Variants in RNF217 observed in about 807,000 individuals in gnomAD.
RNF217 encodes ring finger protein 217.
RNF217 carries 31 observed loss-of-function variants against 57.8 expected under a neutral mutation model. The ratio of observed to expected loss-of-function variants is 0.54; its 90% CI spans 0.40 to 0.72. RNF217 has a LOEUF of 0.72. RNF217 is among the 30% of genes least tolerant of loss of function. RNF217 has a pLI of 0.00. For synonymous variants in RNF217, 313 were observed against 294.0 expected, an observed-to-expected ratio of 1.06 and a Z score of -0.66; for missense variants, 696 against 708.3, an observed-to-expected ratio of 0.98 and a Z score of 0.20.
At chr6:125,035,262 C>A (rs568397969) in intron 1 of RNF217, among the ~76,000 whole-genome samples, 1 of 151,976 alleles carries the variant, frequency 6.6e-6, no homozygotes, top group Non-Finnish European at 1.5e-5. Context: ...GAGAGGGCAT[C>A]CCTGTCTTGT....
chr6:125,009,333 T>C, intron 1 of RNF217: 2 of 1,259,910 alleles, frequency 1.6e-6, no homozygotes, highest in African/African-American at 1.5e-5. Flanking sequence ...CAGGAGCCCT[T>C]GTAATCTCTT....
intron 1 of RNF217, among the ~76,000 whole-genome samples, chr6:124,977,794 G>A (rs997836379): frequency 6.6e-6 from 1 of 152,144 alleles, no homozygotes; most frequent in Non-Finnish European, 1.5e-5. Flanking sequence ...AGGAATTACT[G>A]TTAATCTCAT....
At chr6:124,989,400 G>A (rs913474991) in intron 1 of RNF217, among the ~76,000 whole-genome samples, 1 of 152,132 alleles carries the variant, frequency 6.6e-6, no homozygotes, top group African/African-American at 2.4e-5. Context: ...CAATAGTAAT[G>A]AGAAAAGTAA....
At chr6:125,006,370 T>A (rs1463573032) in intron 1 of RNF217, among the ~76,000 whole-genome samples, 1 of 152,190 alleles carries the variant, frequency 6.6e-6, no homozygotes, top group African/African-American at 2.4e-5. Flanking sequence ...TATAGAAAAG[T>A]TAAAATTGTT....
chr6:125,009,775 G>T (rs9321013), intron 1 of RNF217, among the ~76,000 whole-genome samples: 1 of 151,860 alleles, frequency 6.6e-6, no homozygotes, highest in Non-Finnish European at 1.5e-5. Flanking sequence ...GTGCACATTC[G>T]TTGGGAGAAC....
chr6:125,039,575 A>G (rs914221081), intron 1 of RNF217, among the ~76,000 whole-genome samples: 2 of 152,176 alleles, frequency 1.3e-5, no homozygotes, highest in Non-Finnish European at 2.9e-5. Flanking sequence ...GAGGACTTGA[A>G]CTCAGCTCTG....
At chr6:124,983,060 A>G (rs571574632) in intron 1 of RNF217, among the ~76,000 whole-genome samples, 11 of 152,332 alleles carry the variant, frequency 7.2e-5, no homozygotes, top group Admixed American at 2.0e-4. Context: ...AAAGCTTTCT[A>G]TATATTTCTT....
At position 125,058,019 on chromosome 6, in the gene RNF217, G is replaced by A. The variant is rs1168194264; in HGVS notation, c.1194G>A (p.Glu398=). The A allele has an allele frequency of 6.2e-7, 1 of 1,613,524 alleles. No homozygotes were observed. The highest frequency in any genetic ancestry group is 8.5e-7 in the Non-Finnish European group (1 of 1,179,702). ...GGCATGAAGGTGTTAACTGCAAGGAGTACAAAAAAGGAGACAAATTGTTGC... is the reference window on the plus strand; with the variant it reads ...GGCATGAAGGTGTTAACTGCAAGGAATACAAAAAAGGAGACAAATTGTTGC... ...SPWHEGVNCK[E]YKKGDKLLRH... The change falls in exon 3 of 6, where the codon GAG becomes GAA. Residue 398 remains glutamate, a synonymous_variant. Coordinates refer to ENST00000521654, the MANE Select transcript of RNF217 (RefSeq NM_001286398.3).
At chr6:125,051,476 T>C (rs1787314046) in intron 2 of RNF217, among the ~76,000 whole-genome samples, 1 of 152,040 alleles carries the variant, frequency 6.6e-6, no homozygotes, top group Non-Finnish European at 1.5e-5. Context: ...CATATTTACT[T>C]ACTTAGATTT....
intron 4 of RNF217, among the ~76,000 whole-genome samples, chr6:125,080,016 G>A (rs1788516961): frequency 6.6e-6 from 1 of 151,958 alleles, no homozygotes; most frequent in African/African-American, 2.4e-5. Flanking sequence ...TGATATTTGA[G>A]AGGAAAAAGA....
chr6:125,047,422 A>G (rs1391925176), intron 2 of RNF217, among the ~76,000 whole-genome samples: 2 of 152,202 alleles, frequency 1.3e-5, no homozygotes, highest in East Asian at 1.9e-4. Flanking sequence ...AGAGTGAAAT[A>G]TGTAAAAATT....
At position 125,031,460 on chromosome 6, in the gene RNF217, C is replaced by T. The variant is rs533646329; in HGVS notation, c.883-13751C>T. The stretch of plus-strand genomic sequence containing the variant: ...ATGCTTTTAACAACACCCAAGTCAA[C>T]TCTTAAATGCTTTGCTGCTTAGAAA... On this transcript the variant is annotated intron_variant, in intron 1 of 5. Coordinates refer to ENST00000521654, the MANE Select transcript of RNF217 (RefSeq NM_001286398.3). Among the ~76,000 whole-genome samples the T allele has an allele frequency of 2.0e-5, 3 of 152,330 alleles. No individual in the cohort carries two copies. The South Asian group carries it at 6.2e-4, about 32-fold the overall frequency.
rs541455532 is a variant in RNF217 at position 125,076,578 on chromosome 6, T to C, written c.1282-79T>C. The C allele has an allele frequency of 1.3e-5, 11 of 866,738 alleles. No individual in the cohort carries two copies. The African/African-American group carries it at 1.3e-4, about 10-fold the overall frequency. The allele number at this position is 866,738 out of a possible 1,614,324, so 53.7% of individuals were successfully genotyped here. ...TTATTTTGGTGAAACTGGTAAGTGT[T>C]GTTTCATAAAATTTGCGATTTTGCT... On this transcript the variant is annotated intron_variant, in intron 3 of 5. Coordinates refer to ENST00000521654, the MANE Select transcript of RNF217 (RefSeq NM_001286398.3).
chr6:125,082,331 T>C, intron 5 of RNF217: 1 of 1,020,624 alleles, frequency 9.8e-7, no homozygotes, highest in Non-Finnish European at 1.3e-6. Flanking sequence ...TATGTCAACT[T>C]GGGTTTAGCA....
At chr6:124,993,606 A>C (rs1214302527) in intron 1 of RNF217, among the ~76,000 whole-genome samples, 2 of 152,126 alleles carry the variant, frequency 1.3e-5, no homozygotes, top group African/African-American at 4.8e-5. Context: ...ATTGTAGCCT[A>C]TTCGGGTAGA....
chr6:125,082,937 A>C lies in RNF217; in HGVS notation c.1629A>C (p.Ter543TyrextTer13). Reference sequence around the variant, plus strand: ...GATCACGGACAGGTATGCACTGGTAACATGCAGATGATTTCATCCAGCTAA... The same window carrying C: ...GATCACGGACAGGTATGCACTGGTACCATGCAGATGATTTCATCCAGCTAA... ...RKRSRTGMHW[*>Y] Residue 543 changes from the stop codon to tyrosine, a stop_lost, in exon 6 of 6, where the codon TAA becomes TAC. Coordinates refer to ENST00000521654, the MANE Select transcript of RNF217 (RefSeq NM_001286398.3). 1 of 1,593,256 alleles carries C rather than the reference A, an allele frequency of 6.3e-7. No homozygotes were observed. The highest frequency in any genetic ancestry group is 8.5e-7 in the Non-Finnish European group (1 of 1,173,146).
At chr6:125,062,816 T>TC (rs1787788496) in intron 3 of RNF217, among the ~76,000 whole-genome samples, 1 of 152,164 alleles carries the variant, frequency 6.6e-6, no homozygotes, top group Non-Finnish European at 1.5e-5. Context: ...TCTCAGGTGA[T>TC]CCGCCCACCT....
intron 1 of RNF217, among the ~76,000 whole-genome samples, chr6:125,026,493 A>G (rs1786087698): frequency 6.6e-6 from 1 of 152,212 alleles, no homozygotes; most frequent in African/African-American, 2.4e-5. Flanking sequence ...TGATAATAGG[A>G]TAAATTTCTA....
intron 3 of RNF217, among the ~76,000 whole-genome samples, chr6:125,065,930 A>C (rs1787920153): frequency 6.6e-6 from 1 of 152,154 alleles, no homozygotes; most frequent in Non-Finnish European, 1.5e-5. Flanking sequence ...TCTCCAACGC[A>C]GTATGTTCTC....
Sources: gnomAD v4.1 joint callset for allele counts (sites outside exome capture counted in the v4.1 genomes callset) on GRCh38, gnomAD v4.1.1 for gene constraint, MANE v1.5 for transcripts, NCBI Gene and HGNC (gene_info 2026-07-23, HGNC 2026-07-21) for gene names.